The following FRMPD4 variants were observed in gnomAD, a reference collection of about 807,000 sequenced individuals.
FRMPD4 encodes the protein FERM and PDZ domain containing 4, also known as FERM and PDZ domain-containing protein 4.
Under a neutral mutation model 94.1 loss-of-function variants are expected in FRMPD4, and 22 were observed. That is an observed-to-expected ratio of 0.23 (90% CI 0.17 to 0.33). The LOEUF is 0.33. FRMPD4 is among the 10% of genes least tolerant of loss of function. The pLI is 1.00. For synonymous variants in FRMPD4, 631 were observed against 548.6 expected (o/e 1.15, Z -2.10); for missense variants, 1,111 against 1,339.9 (o/e 0.83, Z 2.67).
At chrX:12,390,002 A>G (rs1415670093) in intron 1 of FRMPD4, among the ~76,000 whole-genome samples, 1 of 112,432 alleles carries the variant, frequency 8.9e-6, no homozygotes, top group African/African-American at 3.2e-5. Context: ...TTGTGCCTGC[A>G]GTAGAAGGCA....
intron 1 of FRMPD4, among the ~76,000 whole-genome samples, chrX:12,243,728 T>C (rs1232643824): frequency 9.7e-6 from 1 of 103,229 alleles, no homozygotes; most frequent in African/African-American, 3.5e-5. Flanking sequence ...TTCCAGGCAC[T>C]GTGCAGCATC....
chrX:12,029,230 A>G (rs1425614792), intron 3 of FRMPD4, among the ~76,000 whole-genome samples: 1 of 112,086 alleles, frequency 8.9e-6, no homozygotes, highest in African/African-American at 3.2e-5. Flanking sequence ...TGGTGACATG[A>G]TGTGGAATAT....
At chrX:12,107,053 G>A (rs1409694904) in intron 3 of FRMPD4, among the ~76,000 whole-genome samples, 1 of 111,568 alleles carries the variant, frequency 9.0e-6, no homozygotes, top group Non-Finnish European at 1.9e-5. Flanking sequence ...ATAGAGTAGT[G>A]GTTCTCCCAG....
chrX:12,190,117 G>A (rs1297795020), intron 1 of FRMPD4, among the ~76,000 whole-genome samples: 1 of 110,980 alleles, frequency 9.0e-6, no homozygotes, highest in Non-Finnish European at 1.9e-5. Context: ...ATTTATATCA[G>A]CACCAAAGAA....
intron 3 of FRMPD4, among the ~76,000 whole-genome samples, chrX:12,091,801 C>T (rs1280269517): frequency 2.7e-5 from 3 of 111,555 alleles, no homozygotes; most frequent in African/African-American, 6.5e-5. Context: ...ATTATATGGT[C>T]CCAATGTTAA....
chrX:12,111,371 A>G lies in FRMPD4; in HGVS notation c.95+233353A>G, dbSNP rs1275251938. Among the ~76,000 whole-genome samples, 5 of 112,109 alleles carry G rather than the reference A, an allele frequency of 4.5e-5. No individual in the cohort carries two copies. In the East Asian group the frequency reaches 8.4e-4, roughly 19 times the overall value. ...CTGGGAAAACTGGCTAGCCACATGT[A>G]GAAAGCTGAAACTGGATCCCTTCCT... On this transcript the variant is annotated intron_variant, in intron 3 of 18. Coordinates refer to the FRMPD4 transcript ENST00000640291.
intron 1 of FRMPD4, among the ~76,000 whole-genome samples, chrX:12,199,277 G>A (rs867721960): frequency 9.4e-6 from 1 of 106,263 alleles, no homozygotes; most frequent in Non-Finnish European, 2.0e-5. Flanking sequence ...GTGTATGTGT[G>A]TGTGTGTGTG....
At chrX:11,839,919 CA>C (rs1196229959) in intron 1 of FRMPD4, among the ~76,000 whole-genome samples, 1 of 111,482 alleles carries the variant, frequency 9.0e-6, no homozygotes, top group Non-Finnish European at 1.9e-5. Context: ...TCTGGTCTCT[CA>C]ATTCTGTTCT....
At chrX:12,046,366 C>G (rs1455658223) in intron 3 of FRMPD4, among the ~76,000 whole-genome samples, 1 of 110,795 alleles carries the variant, frequency 9.0e-6, no homozygotes, top group East Asian at 2.9e-4. Context: ...ACTTCTGTGA[C>G]CAAACATGTG....
chrX:11,930,107 C>CAAAAAAAAAAAAAAAAAAA (rs55973946), intron 3 of FRMPD4, among the ~76,000 whole-genome samples: 2 of 13,257 alleles, frequency 1.5e-4, no homozygotes, highest in African/African-American at 2.8e-4. Flanking sequence ...GACTCTGTCT[C>CAAAAAAAAAAAAAAAAAAA]AAAAAAAAAA....
At chrX:12,695,228 G>T (rs776119489) in intron 9 of FRMPD4, among the ~76,000 whole-genome samples, 6 of 111,533 alleles carry the variant, frequency 5.4e-5, no homozygotes, top group African/African-American at 2.0e-4. Flanking sequence ...GAGTGACTTT[G>T]TGTCCTCAGT....
chrX:12,393,004 A>C (rs1462537566), intron 1 of FRMPD4, among the ~76,000 whole-genome samples: 2 of 112,558 alleles, frequency 1.8e-5, no homozygotes, highest in Non-Finnish European at 3.8e-5. Context: ...AGAAAGTTAC[A>C]AACTTAGGAG....
At position 12,609,680 on chromosome X, in the gene FRMPD4, A is replaced by T. The variant is rs761139360; in HGVS notation, c.159-41A>T. 8 of 1,115,860 alleles carry T rather than the reference A, an allele frequency of 7.2e-6. No individual in the cohort carries two copies. The South Asian group carries it at 1.1e-4, about 15-fold the overall frequency. 92.0% of individuals were successfully genotyped at this position (1,115,860 alleles called of 1,213,427 possible). On this transcript the variant is annotated intron_variant, in intron 2 of 16. Coordinates refer to ENST00000675598, the MANE Select transcript of FRMPD4 (RefSeq NM_001368397.1). The stretch of plus-strand genomic sequence containing the variant: ...ATTGCCAGGCCAATGCCTAAGACAT[A>T]CATTGATGCCTTGTTTCTCTTGTAT...
intron 1 of FRMPD4, among the ~76,000 whole-genome samples, chrX:12,263,581 AG>A (rs1427758920): frequency 9.0e-6 from 1 of 111,511 alleles, no homozygotes; most frequent in African/African-American, 3.3e-5. Flanking sequence ...GGGAAGCGGC[AG>A]GGAAACTACT....
chrX:12,191,020 T>A (rs989563827), intron 1 of FRMPD4, among the ~76,000 whole-genome samples: 41 of 111,883 alleles, frequency 3.7e-4, no homozygotes, highest in Non-Finnish European at 7.4e-4. Flanking sequence ...TAAAGAACTG[T>A]TATCCAAAAT....
chrX:11,926,322 T>C (rs1400772334), intron 3 of FRMPD4, among the ~76,000 whole-genome samples: 1 of 100,718 alleles, frequency 9.9e-6, no homozygotes. Context: ...TTCTACCAGA[T>C]GTACAAAGAC....
chrX:12,572,919 T>C (rs2058773552), intron 2 of FRMPD4, among the ~76,000 whole-genome samples: 1 of 111,693 alleles, frequency 9.0e-6, no homozygotes, highest in Non-Finnish European at 1.9e-5. Flanking sequence ...TGTCTTGCTG[T>C]ACAAATAAAA....
intron 2 of FRMPD4, among the ~76,000 whole-genome samples, chrX:12,608,837 G>A (rs1468785552): frequency 8.9e-6 from 1 of 111,844 alleles, no homozygotes; most frequent in East Asian, 2.8e-4. Flanking sequence ...CCAGTGTATA[G>A]AGCAAAACAA....
intron 2 of FRMPD4, among the ~76,000 whole-genome samples, chrX:12,548,156 G>A (rs1033571106): frequency 5.4e-5 from 6 of 111,966 alleles, no homozygotes; most frequent in African/African-American, 1.9e-4. Flanking sequence ...CCCATGGGCT[G>A]TACTCCCCTT....
Sources: gnomAD v4.1 joint callset for allele counts (sites outside exome capture counted in the v4.1 genomes callset) on GRCh38, gnomAD v4.1.1 for gene constraint, MANE v1.5 for transcripts, NCBI Gene and HGNC (gene_info 2026-07-23, HGNC 2026-07-21) for gene names.